The following ZNF407 variants were observed in gnomAD, a reference collection of about 807,000 sequenced individuals.
ZNF407 encodes the protein zinc finger protein 407.
Under a neutral mutation model 131.2 loss-of-function variants are expected in ZNF407, and 17 were observed. The observed-to-expected ratio is 0.13, with a 90% CI of 0.09 to 0.19. The LOEUF (loss-of-function observed/expected upper bound fraction) is 0.19. Among genes scored for constraint, ZNF407 ranks in the 10% least tolerant of loss-of-function variants. ZNF407 has a pLI of 1.00. For missense variants in ZNF407, 2,681 were observed against 2,830.6 expected (o/e 0.95, Z 1.20); for synonymous variants, 1,156 against 1,062.0 (o/e 1.09, Z -1.72).
chr18:74,920,446 T>A (rs1045829438), intron 7 of ZNF407, 68 bp from the exon 8 acceptor site: 18 of 1,310,816 alleles, frequency 1.4e-5, no homozygotes, highest in Non-Finnish European at 1.9e-5. Context: ...TTATGTAATA[T>A]CATTATTTGT....
intron 8 of ZNF407, among the ~76,000 whole-genome samples, chr18:75,045,701 G>A (rs559520252): frequency 3.3e-5 from 5 of 152,164 alleles, no homozygotes; most frequent in Middle Eastern, 3.4e-3. Flanking sequence ...TTGTCACCCC[G>A]CACCCTCTTC....
At chr18:74,679,238 G>A (rs8084849) in intron 3 of ZNF407, among the ~76,000 whole-genome samples, 3 of 152,312 alleles carry the variant, frequency 2.0e-5, no homozygotes, top group Admixed American at 1.3e-4. Flanking sequence ...AATGACTAAC[G>A]CTTAAAAGTT....
At chr18:74,960,795 G>C (rs765230807) in intron 8 of ZNF407, among the ~76,000 whole-genome samples, 43 of 143,912 alleles carry the variant, frequency 3.0e-4, no homozygotes, top group African/African-American at 3.4e-4. Context: ...AAGGTCCTGA[G>C]TGAGTGCTTG....
At chr18:75,038,907 G>A (rs1436796919) in intron 8 of ZNF407, among the ~76,000 whole-genome samples, 1 of 152,194 alleles carries the variant, frequency 6.6e-6, no homozygotes, top group Non-Finnish European at 1.5e-5. Flanking sequence ...AGATATCTGA[G>A]GTTATTTGGT....
At chr18:74,734,719 GA>G (rs1273142915) in intron 3 of ZNF407, among the ~76,000 whole-genome samples, 1 of 150,900 alleles carries the variant, frequency 6.6e-6, no homozygotes, top group Non-Finnish European at 1.5e-5. Context: ...GTTTTTGAGA[GA>G]ATCAAAGATT....
chr18:74,662,817 T>G (rs1985770147), intron 3 of ZNF407, among the ~76,000 whole-genome samples: 1 of 152,228 alleles, frequency 6.6e-6, no homozygotes, highest in African/African-American at 2.4e-5. Context: ...AGTATTCAAT[T>G]GTCACTCTGT....
chr18:74,809,881 G>T (rs907175960), intron 4 of ZNF407, among the ~76,000 whole-genome samples: 1 of 152,170 alleles, frequency 6.6e-6, no homozygotes, highest in African/African-American at 2.4e-5. Context: ...TGGTCAGATT[G>T]GTGATAAATG....
At chr18:74,684,392 G>A (rs1243434441) in intron 3 of ZNF407, among the ~76,000 whole-genome samples, 2 of 151,986 alleles carry the variant, frequency 1.3e-5, no homozygotes, top group Non-Finnish European at 2.9e-5. Context: ...ATCTTTCTAT[G>A]AATCCTATTG....
intron 7 of ZNF407, among the ~76,000 whole-genome samples, chr18:74,913,775 G>A (rs1971707518): frequency 6.6e-6 from 1 of 152,084 alleles, no homozygotes; most frequent in South Asian, 2.1e-4. Flanking sequence ...TTCTCCTTAG[G>A]TTCAATAACA....
intron 7 of ZNF407, among the ~76,000 whole-genome samples, chr18:74,914,926 T>C (rs571386671): frequency 6.6e-6 from 1 of 152,360 alleles, no homozygotes; most frequent in South Asian, 2.1e-4. Flanking sequence ...CAGTGTCTCT[T>C]TCTTCCTAGT....
chr18:74,956,242 C>A (rs547529449), intron 8 of ZNF407, among the ~76,000 whole-genome samples: 15 of 152,072 alleles, frequency 9.9e-5, no homozygotes, highest in African/African-American at 3.6e-4. Context: ...CTCATCACAT[C>A]CAGCTCTCCG....
chr18:74,741,373 T>C (rs920588843), intron 3 of ZNF407, among the ~76,000 whole-genome samples: 1 of 152,076 alleles, frequency 6.6e-6, no homozygotes, highest in African/African-American at 2.4e-5. Context: ...CATATACATA[T>C]ACATAAGTAA....
Position 74,679,355 on chromosome 18 carries a change from A to C in ZNF407, c.4802+38233A>C, listed in dbSNP as rs955890597. Reference sequence around the variant, plus strand: ...ACTGCATTTCAAACTGGACTTGTCCAACATGATCCCGTTCTCTTTCTAGTA... The same window carrying C: ...ACTGCATTTCAAACTGGACTTGTCCCACATGATCCCGTTCTCTTTCTAGTA... On this transcript the variant is annotated intron_variant, in intron 3 of 8. Transcript: ENST00000299687. 3.3e-5 allele frequency among the ~76,000 whole-genome samples: 5 copies of C among 152,332 alleles called. No individual in the cohort carries two copies. The South Asian group carries it at 1.0e-3, about 32-fold the overall frequency.
At chr18:74,832,600 A>G (rs755175879) in intron 4 of ZNF407, among the ~76,000 whole-genome samples, 8 of 152,090 alleles carry the variant, frequency 5.3e-5, no homozygotes, top group Non-Finnish European at 1.0e-4. Flanking sequence ...ACCCACTTTA[A>G]GTTGATTTCA....
intron 3 of ZNF407, among the ~76,000 whole-genome samples, chr18:74,710,897 A>T (rs1466158251): frequency 6.6e-6 from 1 of 152,230 alleles, no homozygotes; most frequent in Admixed American, 6.5e-5. Context: ...CTCTGTGAAT[A>T]GACGAGTGAG....
chr18:74,916,223 C>T (rs1971758573), intron 7 of ZNF407, among the ~76,000 whole-genome samples: 1 of 93,986 alleles, frequency 1.1e-5, no homozygotes, highest in East Asian at 3.8e-4. Context: ...TGTGTGTGTA[C>T]ATGTGTGTGC....
chr18:74,721,275 C>G (rs1402338407), intron 3 of ZNF407, among the ~76,000 whole-genome samples: 1 of 152,030 alleles, frequency 6.6e-6, no homozygotes, highest in African/African-American at 2.4e-5. Flanking sequence ...AACGGGACCA[C>G]TTTCTTGATT....
At chr18:74,999,361 A>C (rs1034158395) in intron 8 of ZNF407, among the ~76,000 whole-genome samples, 14 of 149,806 alleles carry the variant, frequency 9.3e-5, no homozygotes, top group Admixed American at 2.0e-4. Flanking sequence ...AAAAAAAAAA[A>C]AAAAAAAAAA....
At chr18:74,761,945 T>C (rs1248287997) in intron 3 of ZNF407, among the ~76,000 whole-genome samples, 1 of 152,168 alleles carries the variant, frequency 6.6e-6, no homozygotes, top group Non-Finnish European at 1.5e-5. Context: ...AAATTGCTAG[T>C]ATTTGTAGGA....
Sources: gnomAD v4.1 joint callset for allele counts (sites outside exome capture counted in the v4.1 genomes callset) on GRCh38, gnomAD v4.1.1 for gene constraint, MANE v1.5 for transcripts, NCBI Gene and HGNC (gene_info 2026-07-23, HGNC 2026-07-21) for gene names.